ZFAND3: variants seen among roughly 807,000 people sequenced by gnomAD.
ZFAND3 encodes the protein zinc finger AN1-type containing 3, also known as AN1-type zinc finger protein 3.
In ZFAND3, 10 loss-of-function variants were observed where a neutral mutation model predicts 29.6. The observed-to-expected ratio is 0.34, with a 90% CI of 0.21 to 0.57. The LOEUF is 0.57. ZFAND3 is among the 20% of genes least tolerant of loss of function. The pLI, the probability that ZFAND3 is intolerant of heterozygous loss-of-function variation, is 0.86. For synonymous variants in ZFAND3, 128 were observed against 112.6 expected, an observed-to-expected ratio of 1.14 and a Z score of -0.87; for missense variants, 230 against 304.5, an observed-to-expected ratio of 0.76 and a Z score of 1.82.
intron 2 of ZFAND3, among the ~76,000 whole-genome samples, chr6:38,022,493 T>G (rs1561969503): frequency 6.6e-6 from 1 of 152,236 alleles, no homozygotes; most frequent in African/African-American, 2.4e-5. Context: ...TGCTGGTCTT[T>G]TAATAACAAC....
chr6:38,015,669 G>C (rs1351397812), intron 2 of ZFAND3, among the ~76,000 whole-genome samples: 1 of 152,216 alleles, frequency 6.6e-6, no homozygotes, highest in Non-Finnish European at 1.5e-5. Context: ...TGAATGATGT[G>C]TATGTATGAC....
chr6:37,855,287 A>G (rs895729728), intron 1 of ZFAND3, among the ~76,000 whole-genome samples: 6 of 151,152 alleles, frequency 4.0e-5, no homozygotes, highest in Non-Finnish European at 8.9e-5. Context: ...TGGGATGACA[A>G]GAGTGTGCCA....
intron 5 of ZFAND3, among the ~76,000 whole-genome samples, chr6:38,148,544 T>C (rs1766155553): frequency 6.6e-6 from 1 of 152,200 alleles, no homozygotes; most frequent in African/African-American, 2.4e-5. Context: ...AAACTGCTCA[T>C]ATTGAAATTA....
chr6:38,100,585 A>AC (rs1275754657), intron 4 of ZFAND3, among the ~76,000 whole-genome samples: 1 of 152,164 alleles, frequency 6.6e-6, no homozygotes, highest in Non-Finnish European at 1.5e-5. Flanking sequence ...ATGAGTTCTG[A>AC]CCCTACTGTT....
At chr6:38,049,093 T>G (rs1396337435) in intron 2 of ZFAND3, among the ~76,000 whole-genome samples, 1 of 152,226 alleles carries the variant, frequency 6.6e-6, no homozygotes, top group Non-Finnish European at 1.5e-5. Flanking sequence ...CTCCCTGTTG[T>G]GTTAGGCCAC....
chr6:37,949,582 G>T (rs1022090854), intron 2 of ZFAND3, among the ~76,000 whole-genome samples: 1 of 152,122 alleles, frequency 6.6e-6, no homozygotes, highest in African/African-American at 2.4e-5. Flanking sequence ...CCAGGTTTCC[G>T]GAACTTCTGA....
intron 2 of ZFAND3, among the ~76,000 whole-genome samples, chr6:38,052,354 C>T (rs937825007): frequency 6.6e-6 from 1 of 152,132 alleles, no homozygotes; most frequent in African/African-American, 2.4e-5. Flanking sequence ...ATCCAAACAT[C>T]TACTTATTGA....
chr6:38,027,686 A>G (rs1006084323), intron 2 of ZFAND3, among the ~76,000 whole-genome samples: 1 of 152,204 alleles, frequency 6.6e-6, no homozygotes, highest in African/African-American at 2.4e-5. Context: ...CTCGGTAGGT[A>G]TAAAATATTA....
intron 3 of ZFAND3, among the ~76,000 whole-genome samples, chr6:38,065,151 T>A (rs1042140650): frequency 2.0e-5 from 3 of 151,946 alleles, no homozygotes; most frequent in Non-Finnish European, 2.9e-5. Flanking sequence ...ACCCCGTCTC[T>A]ACAAAAATAC....
At chr6:38,068,615 C>T (rs778190108) in intron 3 of ZFAND3, among the ~76,000 whole-genome samples, 1 of 152,156 alleles carries the variant, frequency 6.6e-6, no homozygotes. Context: ...AAGAGAGGGC[C>T]ACAACTGAAC....
chr6:38,116,785 C>A (rs762738714), intron 5 of ZFAND3, 46 bp downstream of exon 5: 5 of 1,575,876 alleles, frequency 3.2e-6, no homozygotes, highest in Admixed American at 3.6e-5. Flanking sequence ...ATCCTTAACA[C>A]CTTGGCCCAG....
intron 5 of ZFAND3, among the ~76,000 whole-genome samples, chr6:38,124,401 G>A (rs1407073553): frequency 2.0e-5 from 3 of 152,330 alleles, no homozygotes; most frequent in East Asian, 1.9e-4. Flanking sequence ...GGGGAGGCTC[G>A]GGGCTGCGCA....
At chr6:37,824,858 G>A (rs928595207) in intron 1 of ZFAND3, among the ~76,000 whole-genome samples, 7 of 152,174 alleles carry the variant, frequency 4.6e-5, no homozygotes, top group Non-Finnish European at 8.8e-5. Context: ...GATAAAAGAT[G>A]TACTTTAAGA....
chr6:38,024,239 G>A (rs764599883), intron 2 of ZFAND3, among the ~76,000 whole-genome samples: 1 of 152,100 alleles, frequency 6.6e-6, no homozygotes, highest in East Asian at 1.9e-4. Flanking sequence ...TTGGGAGGCC[G>A]AGGCGGGCAG....
At chr6:38,127,250 AT>A (rs1713771062) in intron 5 of ZFAND3, among the ~76,000 whole-genome samples, 1 of 152,204 alleles carries the variant, frequency 6.6e-6, no homozygotes, top group South Asian at 2.1e-4. Flanking sequence ...GTTGTAGTTG[AT>A]TAATACATTC....
At chr6:37,917,337 G>C (rs913040775) in intron 1 of ZFAND3, among the ~76,000 whole-genome samples, 1 of 152,124 alleles carries the variant, frequency 6.6e-6, no homozygotes, top group Non-Finnish European at 1.5e-5. Flanking sequence ...CCACCTTCAA[G>C]CTAAGCCCTT....
In ZFAND3 at chr6:37,883,829, C is replaced by T. The variant is rs779147214; in HGVS notation, c.72-46130C>T. On this transcript the variant is annotated intron_variant, in intron 1 of 5. Coordinates refer to ENST00000287218, the MANE Select transcript of ZFAND3 (RefSeq NM_021943.3). ...TGCTGGGATTACAGGCGTGAGCCGC[C>T]GTGCCCGGCTTGATGGATACCTTTT... Among the ~76,000 whole-genome samples the T allele has an allele frequency of 4.1e-5, 6 of 145,452 alleles. 1 individual carries two copies. The highest frequency in any genetic ancestry group is 7.4e-5 in the Non-Finnish European group (5 of 67,470).
chr6:37,918,784 C>G (rs373845008), intron 1 of ZFAND3, among the ~76,000 whole-genome samples: 1 of 151,818 alleles, frequency 6.6e-6, no homozygotes, highest in African/African-American at 2.4e-5. Context: ...TCTCCCAACC[C>G]CACCTATTTT....
intron 1 of ZFAND3, among the ~76,000 whole-genome samples, chr6:37,888,168 C>T (rs1354782836): frequency 1.3e-5 from 2 of 151,972 alleles, no homozygotes; most frequent in African/African-American, 4.8e-5. Context: ...TTTCAGCTTC[C>T]ATATATTAGA....
Sources: gnomAD v4.1 joint callset for allele counts (sites outside exome capture counted in the v4.1 genomes callset) on GRCh38, gnomAD v4.1.1 for gene constraint, MANE v1.5 for transcripts, NCBI Gene and HGNC (gene_info 2026-07-23, HGNC 2026-07-21) for gene names.